TPD52L1: variants seen among roughly 807,000 people sequenced by gnomAD.
TPD52L1 encodes the protein tumor protein D53.
A neutral mutation model predicts 28.7 loss-of-function variants in TPD52L1; 18 were observed. The ratio of observed to expected loss-of-function variants is 0.63; its 90% CI spans 0.43 to 0.93. The LOEUF (loss-of-function observed/expected upper bound fraction) is 0.93, where lower values mean the gene tolerates loss of function less well. TPD52L1 is among the 40% of genes least tolerant of loss of function. The probability of loss-of-function intolerance (pLI) is 0.00; values close to 1 mark genes in which losing one functional copy is unlikely to be tolerated. For missense variants in TPD52L1, 203 were observed against 254.8 expected, an observed-to-expected ratio of 0.80 and a Z score of 1.39; for synonymous variants, 75 against 88.8, an observed-to-expected ratio of 0.84 and a Z score of 0.88.
intron 1 of TPD52L1, among the ~76,000 whole-genome samples, chr6:125,164,666 A>G (rs1027534912): frequency 7.2e-5 from 11 of 152,244 alleles, no homozygotes; most frequent in African/African-American, 2.4e-4. Context: ...TGTTTACACG[A>G]ATATGTTTTA....
chr6:125,162,527 A>G (rs1790593384), intron 1 of TPD52L1, among the ~76,000 whole-genome samples: 1 of 152,224 alleles, frequency 6.6e-6, no homozygotes, highest in African/African-American at 2.4e-5. Context: ...ATACTTATTG[A>G]TTACTGCAGT....
chr6:125,162,803 T>C (rs1405407162), intron 1 of TPD52L1, among the ~76,000 whole-genome samples: 3 of 152,240 alleles, frequency 2.0e-5, no homozygotes, highest in Non-Finnish European at 2.9e-5. Context: ...TAGCACATGG[T>C]AAGTAGTATA....
intron 2 of TPD52L1, among the ~76,000 whole-genome samples, chr6:125,221,442 A>G (rs1795223216): frequency 6.6e-6 from 1 of 152,218 alleles, no homozygotes; most frequent in African/African-American, 2.4e-5. Flanking sequence ...GGGTAAGCCA[A>G]CTGAGTCTAA....
intron 1 of TPD52L1, chr6:125,219,709 A>C (rs765172753): frequency 3.3e-6 from 1 of 303,998 alleles, no homozygotes; most frequent in Non-Finnish European, 6.4e-6. Context: ...TTACACAGGA[A>C]TCTCACATTA....
At chr6:125,209,155 C>T (rs965258490) in intron 1 of TPD52L1, among the ~76,000 whole-genome samples, 1 of 152,204 alleles carries the variant, frequency 6.6e-6, no homozygotes, top group African/African-American at 2.4e-5. Context: ...GACATATAAC[C>T]CTTGGCTGCC....
intron 1 of TPD52L1, among the ~76,000 whole-genome samples, chr6:125,180,401 T>G (rs538119638): frequency 6.6e-6 from 1 of 152,282 alleles, no homozygotes; most frequent in African/African-American, 2.4e-5. Flanking sequence ...ATGGTCAGTT[T>G]GACACAGTTA....
chr6:125,198,116 G>A (rs1166543671), intron 1 of TPD52L1, among the ~76,000 whole-genome samples: 1 of 152,186 alleles, frequency 6.6e-6, no homozygotes, highest in Non-Finnish European at 1.5e-5. Flanking sequence ...CTTGAACTCT[G>A]CTTTGCCCTC....
At chr6:125,189,862 A>G (rs545734380) in intron 1 of TPD52L1, among the ~76,000 whole-genome samples, 31 of 152,346 alleles carry the variant, frequency 2.0e-4, no homozygotes, top group Non-Finnish European at 1.2e-4. Context: ...TGCACTACAC[A>G]GAGAAGAATA....
intron 6 of TPD52L1, chr6:125,261,836 T>C (rs1798077127): frequency 6.6e-6 from 1 of 152,196 alleles, no homozygotes; most frequent in Admixed American, 6.5e-5. Flanking sequence ...AAAAGCCTCA[T>C]AAACCATCAT....
At chr6:125,249,708 AAAG>A (rs1159565904) in intron 4 of TPD52L1, among the ~76,000 whole-genome samples, 5 of 150,964 alleles carry the variant, frequency 3.3e-5, no homozygotes, top group Non-Finnish European at 7.4e-5. Context: ...AAAAAAAAAA[AAAG>A]AAGGAAAAGC....
chr6:125,179,827 T>C (rs1792068899), intron 1 of TPD52L1, among the ~76,000 whole-genome samples: 1 of 152,174 alleles, frequency 6.6e-6, no homozygotes, highest in Non-Finnish European at 1.5e-5. Flanking sequence ...AGAAGGCAGC[T>C]CTTACTTAAA....
chr6:125,260,205 T>A (rs1797831237), intron 6 of TPD52L1: 1 of 152,156 alleles, frequency 6.6e-6, no homozygotes, highest in Admixed American at 6.5e-5. Flanking sequence ...ATAGAGTAGA[T>A]TACATTGAAT....
intron 2 of TPD52L1, 38 bp from the exon 3 acceptor site, chr6:125,229,080 C>G (rs368337975): frequency 6.3e-7 from 1 of 1,590,492 alleles, no homozygotes; most frequent in African/African-American, 1.4e-5. Context: ...TTTTGCTGGT[C>G]TGACATTTTC....
intron 4 of TPD52L1, among the ~76,000 whole-genome samples, chr6:125,249,708 A>C (rs911468179): frequency 6.6e-6 from 1 of 150,964 alleles, no homozygotes; most frequent in South Asian, 2.1e-4. Flanking sequence ...AAAAAAAAAA[A>C]AAGAAGGAAA....
At chr6:125,226,285 T>C (rs1369818577) in intron 2 of TPD52L1, among the ~76,000 whole-genome samples, 1 of 152,234 alleles carries the variant, frequency 6.6e-6, no homozygotes, top group East Asian at 1.9e-4. Context: ...TAGAGGTCTC[T>C]TCCCCATATG....
intron 2 of TPD52L1, among the ~76,000 whole-genome samples, chr6:125,226,192 A>G (rs982574569): frequency 7.2e-5 from 11 of 152,310 alleles, no homozygotes; most frequent in Non-Finnish European, 1.2e-4. Context: ...GTGAGTCTTT[A>G]TATTGCATTG....
chr6:125,218,768 AG>A (rs1328363964), intron 1 of TPD52L1, among the ~76,000 whole-genome samples: 9 of 152,346 alleles, frequency 5.9e-5, no homozygotes, highest in Admixed American at 5.2e-4. Flanking sequence ...TAACTGTTCT[AG>A]GACAATCTAT....
Position 125,213,003 on chromosome 6 carries a change from T to A in TPD52L1, c.20-7075T>A, listed in dbSNP as rs563159468. 3.3e-5 allele frequency among the ~76,000 whole-genome samples: 5 copies of A among 152,326 alleles called. No individual in the cohort carries two copies. In the South Asian group the frequency reaches 1.0e-3, roughly 32 times the overall value. On this transcript the variant is annotated intron_variant, in intron 1 of 6. Coordinates refer to ENST00000534000, the MANE Select transcript of TPD52L1 (RefSeq NM_003287.4). ...TATTTGTTACCTTTATTAAAACAAT[T>A]CTATATATTTTATTGCATGTAAAAG... is the stretch of plus-strand genomic sequence containing the variant.
chr6:125,257,251 G>A, intron 6 of TPD52L1, 93 bp downstream of exon 6: 1 of 1,044,298 alleles, frequency 9.6e-7, no homozygotes, highest in Admixed American at 2.1e-5. Flanking sequence ...GCAGGGCCAA[G>A]AAGGCAGGCT....
Sources: gnomAD v4.1 joint callset for allele counts (sites outside exome capture counted in the v4.1 genomes callset) on GRCh38, gnomAD v4.1.1 for gene constraint, MANE v1.5 for transcripts, NCBI Gene and HGNC (gene_info 2026-07-23, HGNC 2026-07-21) for gene names.